EPB41L4A: variants seen among roughly 807,000 people sequenced by gnomAD.
EPB41L4A encodes the protein erythrocyte membrane protein band 4.1 like 4A.
A neutral mutation model predicts 108.6 loss-of-function variants in EPB41L4A; 100 were observed. The ratio of observed to expected loss-of-function variants is 0.92; its 90% confidence interval spans 0.78 to 1.09. The LOEUF is 1.09. Among genes scored for constraint, EPB41L4A ranks in the 50% least tolerant of loss-of-function variants. The pLI is 0.00. For synonymous variants in EPB41L4A, 319 were observed against 289.0 expected (o/e 1.10, Z -1.05); for missense variants, 1,030 against 842.7 (o/e 1.22, Z -2.75).
At chr5:112,341,852 A>G (rs1162557638) in intron 1 of EPB41L4A, among the ~76,000 whole-genome samples, 1 of 152,188 alleles carries the variant, frequency 6.6e-6, no homozygotes, top group Non-Finnish European at 1.5e-5. Context: ...AGAGCCCTGT[A>G]TCAAAAAGAA....
intron 1 of EPB41L4A, among the ~76,000 whole-genome samples, chr5:112,365,497 T>C (rs1044831232): frequency 2.0e-5 from 3 of 152,200 alleles, no homozygotes; most frequent in Admixed American, 2.0e-4. Context: ...ATCAACTTTG[T>C]TTTAGAATAG....
intron 2 of EPB41L4A, among the ~76,000 whole-genome samples, chr5:112,303,646 T>C (rs922011495): frequency 2.6e-5 from 4 of 152,084 alleles, no homozygotes; most frequent in East Asian, 1.9e-4. Context: ...AAGTTGTTAG[T>C]GTCAAAGCAA....
intron 1 of EPB41L4A, among the ~76,000 whole-genome samples, chr5:112,355,714 A>G (rs879922622): frequency 1.3e-5 from 2 of 152,232 alleles, no homozygotes; most frequent in Non-Finnish European, 2.9e-5. Flanking sequence ...CTTCTCCCTC[A>G]GTGATCCCCC....
chr5:112,378,075 A>G (rs1430059312), intron 1 of EPB41L4A, among the ~76,000 whole-genome samples: 1 of 152,226 alleles, frequency 6.6e-6, no homozygotes, highest in Non-Finnish European at 1.5e-5. Flanking sequence ...TAAAACAGAT[A>G]TAAGGATTCA....
At chr5:112,224,344 A>G (rs898996802) in intron 12 of EPB41L4A, among the ~76,000 whole-genome samples, 9 of 152,152 alleles carry the variant, frequency 5.9e-5, no homozygotes, top group African/African-American at 2.2e-4. Flanking sequence ...ATCTGGGAAG[A>G]TCTTTTTCAC....
At chr5:112,286,387 C>T (rs958419655) in intron 2 of EPB41L4A, among the ~76,000 whole-genome samples, 5 of 152,128 alleles carry the variant, frequency 3.3e-5, no homozygotes, top group Non-Finnish European at 7.4e-5. Context: ...TTAGCAATAA[C>T]CCAAGGGAAC....
At chr5:112,195,857 C>T (rs749392625) in intron 15 of EPB41L4A, 149 bp from the exon 16 acceptor site, 20 of 671,004 alleles carry the variant, frequency 3.0e-5, no homozygotes, top group Non-Finnish European at 4.9e-5. Flanking sequence ...ATATGCCTAA[C>T]CCTACATACA....
chr5:112,283,495 A>G (rs765726667), intron 2 of EPB41L4A, among the ~76,000 whole-genome samples: 7 of 152,242 alleles, frequency 4.6e-5, no homozygotes, highest in Admixed American at 4.6e-4. Flanking sequence ...GGAAGATCAG[A>G]GTGAAACACA....
rs368672804 is a variant in EPB41L4A at position 112,261,662 on chromosome 5, T to A, written c.642+832A>T. Among the ~76,000 whole-genome samples the A allele has an allele frequency of 2.2e-4, 34 of 152,314 alleles. No homozygotes were observed. The South Asian group carries it at 7.0e-3, about 32-fold the overall frequency. On this transcript the variant is annotated intron_variant, in intron 7 of 22. Transcript: ENST00000261486. ...TCACTGATGACTATTCAGCAAGTTT[T>A]CATAAACCACTGAAAAAAATCTGCA...
chr5:112,325,685 G>C (rs1756108593), intron 1 of EPB41L4A, among the ~76,000 whole-genome samples: 1 of 152,196 alleles, frequency 6.6e-6, no homozygotes, highest in African/African-American at 2.4e-5. Flanking sequence ...ACAGACCAAT[G>C]TTCAGAGGTA....
intron 1 of EPB41L4A, among the ~76,000 whole-genome samples, chr5:112,311,840 C>T (rs1755073458): frequency 6.6e-6 from 1 of 152,168 alleles, no homozygotes; most frequent in Non-Finnish European, 1.5e-5. Context: ...CCATTTTGAT[C>T]TAATCTCACT....
intron 2 of EPB41L4A, among the ~76,000 whole-genome samples, chr5:112,300,737 T>G (rs901182382): frequency 1.3e-5 from 2 of 152,192 alleles, no homozygotes; most frequent in African/African-American, 4.8e-5. Context: ...CCCAAATATG[T>G]TTTCCAAACT....
chr5:112,212,435 G>C (rs1747246833), intron 12 of EPB41L4A, among the ~76,000 whole-genome samples: 1 of 152,016 alleles, frequency 6.6e-6, no homozygotes, highest in South Asian at 2.1e-4. Flanking sequence ...TGGGATTACA[G>C]GCGCATGACA....
chr5:112,168,431 C>T (rs1471299640), intron 22 of EPB41L4A, among the ~76,000 whole-genome samples: 1 of 152,170 alleles, frequency 6.6e-6, no homozygotes, highest in East Asian at 1.9e-4. Flanking sequence ...TTGTTACTAT[C>T]GCTTTTTAAT....
chr5:112,402,037 T>A (rs1187638319), intron 1 of EPB41L4A, among the ~76,000 whole-genome samples: 1 of 152,238 alleles, frequency 6.6e-6, no homozygotes, highest in Non-Finnish European at 1.5e-5. Context: ...ACACCAGTGA[T>A]GTGGTTTGGA....
At chr5:112,376,654 T>G (rs766644351) in intron 1 of EPB41L4A, among the ~76,000 whole-genome samples, 2 of 152,168 alleles carry the variant, frequency 1.3e-5, no homozygotes, top group Non-Finnish European at 2.9e-5. Flanking sequence ...AGGTGCATGG[T>G]TAAGTGTTAG....
chr5:112,414,872 G>C (rs1305065142), intron 1 of EPB41L4A, among the ~76,000 whole-genome samples: 1 of 152,166 alleles, frequency 6.6e-6, no homozygotes, highest in African/African-American at 2.4e-5. Flanking sequence ...TTATGCAGGA[G>C]AGACACTTTC....
chr5:112,153,458 G>A (rs1364107376), intron 12 of EPB41L4A, among the ~76,000 whole-genome samples: 2 of 151,590 alleles, frequency 1.3e-5, no homozygotes, highest in African/African-American at 2.4e-5. Flanking sequence ...GAACCTGGGA[G>A]GCGGAGGTTG....
intron 1 of EPB41L4A, among the ~76,000 whole-genome samples, chr5:112,365,049 G>T (rs764262684): frequency 2.0e-5 from 3 of 152,104 alleles, no homozygotes; most frequent in Non-Finnish European, 4.4e-5. Flanking sequence ...TTGTTTGACC[G>T]CTGTGTTTCC....
Sources: gnomAD v4.1 joint callset for allele counts (sites outside exome capture counted in the v4.1 genomes callset) on GRCh38, gnomAD v4.1.1 for gene constraint, MANE v1.5 for transcripts, NCBI Gene and HGNC (gene_info 2026-07-23, HGNC 2026-07-21) for gene names.